The following WDR64 variants were observed in gnomAD, a reference collection of about 807,000 sequenced individuals.
The protein encoded by WDR64 is WD repeat-containing protein 64.
A neutral mutation model predicts 139.3 loss-of-function variants in WDR64; 112 were observed. That is an observed-to-expected ratio of 0.80 (90% CI 0.69 to 0.94). The LOEUF (loss-of-function observed/expected upper bound fraction) is 0.94. WDR64 is among the 40% of genes least tolerant of loss of function. The pLI is 0.00. For missense variants in WDR64, 1,206 were observed against 1,293.1 expected (o/e 0.93, Z 1.03); for synonymous variants, 444 against 437.7 (o/e 1.01, Z -0.18).
In WDR64 at chr1:241,687,700, C is replaced by T. The variant is rs990243119; in HGVS notation, c.974+105C>T. 3.8e-5 allele frequency: 43 copies of T among 1,144,878 alleles called. No individual in the cohort carries two copies. In the East Asian group the frequency reaches 3.9e-4, roughly 10 times the overall value. The allele number at this position is 1,144,878 out of a possible 1,614,324, so 70.9% of individuals were successfully genotyped here. ...ACTTTCAAACTGGCTTTAAAAAAATCGGACATTAACTATTCCATTTGTTTG... is the reference window on the plus strand; with the variant it reads ...ACTTTCAAACTGGCTTTAAAAAAATTGGACATTAACTATTCCATTTGTTTG... On this transcript the variant is annotated intron_variant, in intron 8 of 27. Transcript: ENST00000437684.
intron 8 of WDR64, among the ~76,000 whole-genome samples, chr1:241,709,049 T>C (rs929468419): frequency 6.6e-6 from 1 of 152,210 alleles, no homozygotes; most frequent in African/African-American, 2.4e-5. Context: ...TGGTATCCAG[T>C]ATAGACTCAG....
intron 10 of WDR64, among the ~76,000 whole-genome samples, chr1:241,733,851 AC>A (rs905705987): frequency 3.3e-5 from 5 of 151,186 alleles, no homozygotes; most frequent in Middle Eastern, 3.4e-3. Flanking sequence ...TTCTTCCTAA[AC>A]CCCCTCAGTG....
intron 1 of WDR64, among the ~76,000 whole-genome samples, chr1:241,658,315 A>G (rs61825776): frequency 3.9e-4 from 20 of 51,614 alleles, no homozygotes; most frequent in East Asian, 1.0e-3. Flanking sequence ...GTGTGTGTGT[A>G]TGTGTTTACA....
At chr1:241,680,544 T>A (rs1271955729) in intron 6 of WDR64, among the ~76,000 whole-genome samples, 1 of 152,194 alleles carries the variant, frequency 6.6e-6, no homozygotes, top group East Asian at 1.9e-4. Context: ...ATAGAAGCCT[T>A]TAGTTCCTTG....
rs574795502 is a variant in WDR64, at chr1:241,766,113, G to A, written c.1948-105G>A. 36 of 1,025,692 alleles carry A rather than the reference G, an allele frequency of 3.5e-5. No individual in the cohort carries two copies. The South Asian group carries it at 7.4e-4, about 21-fold the overall frequency. The allele number at this position is 1,025,692 out of a possible 1,614,324, so 63.5% of individuals were successfully genotyped here. A position where few individuals can be genotyped will look rare whatever the true frequency, so the allele number is the denominator to read the frequency against. ...CTGATATTAAAAATATATATAATAA[G>A]GCATTTTGTTTTAAGTTGATGACAA... On this transcript the variant is annotated intron_variant, in intron 15 of 27. Coordinates refer to ENST00000437684, the MANE Select transcript of WDR64 (RefSeq NM_001367482.1).
chr1:241,705,837 C>T (rs1258171366), intron 8 of WDR64, among the ~76,000 whole-genome samples: 2 of 152,152 alleles, frequency 1.3e-5, no homozygotes, highest in Non-Finnish European at 2.9e-5. Flanking sequence ...GATCCTCCCA[C>T]CTTGGCCTCC....
chr1:241,759,513 T>C (rs890158009), intron 15 of WDR64, among the ~76,000 whole-genome samples: 2 of 152,192 alleles, frequency 1.3e-5, no homozygotes, highest in African/African-American at 4.8e-5. Flanking sequence ...CTATAGTTCT[T>C]TTTGTTTTTA....
At chr1:241,670,148 G>C (rs955192915) in intron 2 of WDR64, among the ~76,000 whole-genome samples, 1 of 152,080 alleles carries the variant, frequency 6.6e-6, no homozygotes, top group Non-Finnish European at 1.5e-5. Flanking sequence ...ATAAGACAAA[G>C]AACAGCTATC....
chr1:241,683,455 A>G, intron 6 of WDR64, 32 bp from the exon 7 acceptor site: 3 of 1,544,264 alleles, frequency 1.9e-6, no homozygotes, highest in Non-Finnish European at 2.6e-6. Context: ...GAGCAAAGTA[A>G]TAATTCATTA....
At chr1:241,787,221 G>A (rs12120093) in intron 23 of WDR64, among the ~76,000 whole-genome samples, 13,285 of 151,128 alleles carry the variant, frequency 0.088, 786 homozygotes, top group Admixed American at 0.15. Flanking sequence ...AAAAGTAGCT[G>A]GGCATGGTGG....
intron 10 of WDR64, among the ~76,000 whole-genome samples, chr1:241,735,532 T>TCTCC (rs1669269141): frequency 2.5e-5 from 2 of 78,888 alleles, no homozygotes; most frequent in African/African-American, 1.0e-4. Context: ...TCTCTCTCTC[T>TCTCC]CTTTTTTTTT....
At chr1:241,695,587 GATAGTTCTC>G (rs933074339) in intron 8 of WDR64, among the ~76,000 whole-genome samples, 28 of 152,200 alleles carry the variant, frequency 1.8e-4, no homozygotes, top group African/African-American at 6.3e-4. Context: ...AGTAATAAAC[GATAGTTCTC>G]AGCAAGCCTA....
chr1:241,760,759 A>ATTTTTTTTTTT (rs71174847), intron 15 of WDR64, among the ~76,000 whole-genome samples: 6 of 87,058 alleles, frequency 6.9e-5, no homozygotes, highest in Admixed American at 3.4e-4. Context: ...GTGGGTTTCC[A>ATTTTTTTTTTT]TTTTTTTTTT....
chr1:241,757,212 C>A, intron 14 of WDR64, 71 bp from the exon 15 acceptor site: 1 of 1,365,662 alleles, frequency 7.3e-7, no homozygotes, highest in South Asian at 1.6e-5. Context: ...GTTCTATTTT[C>A]TCTATCTCTT....
chr1:241,780,211 G>A (rs1658796415), intron 22 of WDR64, 149 bp downstream of exon 22: 2 of 669,004 alleles, frequency 3.0e-6, no homozygotes, highest in Non-Finnish European at 4.9e-6. Context: ...ATGACAAATT[G>A]CAGTGGTCTG....
intron 27 of WDR64, among the ~76,000 whole-genome samples, chr1:241,800,176 G>T (rs77534601): frequency 6.6e-6 from 1 of 152,302 alleles, no homozygotes; most frequent in East Asian, 1.9e-4. Flanking sequence ...TTAGCAGGTT[G>T]ATCCAGGGAG....
intron 8 of WDR64, among the ~76,000 whole-genome samples, chr1:241,699,657 G>A (rs1480223436): frequency 2.0e-5 from 3 of 152,142 alleles, no homozygotes; most frequent in Non-Finnish European, 4.4e-5. Flanking sequence ...GTAAAACTTA[G>A]TCAGGCAAAA....
At chr1:241,776,812 T>C (rs1189041409) in intron 21 of WDR64, among the ~76,000 whole-genome samples, 1 of 152,200 alleles carries the variant, frequency 6.6e-6, no homozygotes, top group Non-Finnish European at 1.5e-5. Flanking sequence ...CGACCTCTAT[T>C]AGGGTTAGTC....
intron 1 of WDR64, among the ~76,000 whole-genome samples, chr1:241,653,576 TC>T (rs1486393244): frequency 6.6e-6 from 1 of 151,234 alleles, no homozygotes; most frequent in Non-Finnish European, 1.5e-5. Context: ...GGAGTTTCAT[TC>T]CTATTGCCCA....
Sources: allele counts gnomAD v4.1 joint callset (sites outside exome capture counted in the v4.1 genomes callset), GRCh38; gene constraint gnomAD v4.1.1; transcripts MANE v1.5; gene names NCBI Gene and HGNC (gene_info 2026-07-23, HGNC 2026-07-21).